Variants in WWP2 observed in about 807,000 individuals in gnomAD.
The protein encoded by WWP2 is WW domain containing E3 ubiquitin protein ligase 2, also known as NEDD4-like E3 ubiquitin-protein ligase WWP2.
A neutral mutation model predicts 121.0 loss-of-function variants in WWP2; 57 were observed. That is an observed-to-expected ratio of 0.47 (90% confidence interval 0.38 to 0.59). WWP2 has a LOEUF of 0.59. WWP2 is among the 20% of genes least tolerant of loss of function. WWP2 has a pLI of 0.00. For missense variants in WWP2, 962 were observed against 1,158.9 expected, an observed-to-expected ratio of 0.83 and a Z score of 2.47; for synonymous variants, 449 against 441.3, an observed-to-expected ratio of 1.02 and a Z score of -0.22.
At chr16:69,870,007 T>TG (rs1009291263) in intron 6 of WWP2, among the ~76,000 whole-genome samples, 11 of 152,198 alleles carry the variant, frequency 7.2e-5, no homozygotes, top group African/African-American at 2.4e-4. Context: ...GAATTTAGCT[T>TG]GAGTTCAGGC....
intron 8 of WWP2, among the ~76,000 whole-genome samples, chr16:69,907,580 T>G (rs1173238669): frequency 6.6e-6 from 1 of 152,200 alleles, no homozygotes; most frequent in East Asian, 1.9e-4. Flanking sequence ...TTTGCATCCT[T>G]TATATATAGG....
chr16:69,931,246 G>A lies in WWP2; in HGVS notation c.1521+19G>A, dbSNP rs1225147093. 7 of 1,613,752 alleles carry A rather than the reference G, an allele frequency of 4.3e-6. No homozygotes were observed. Among genetic ancestry groups the A allele is most frequent in the East Asian group, 2.2e-5 (1 of 44,874 alleles). ...CTGCCATGTGAGTTCTGGTACTGGG[G>A]CTCCCGTGGCAGTTGGGGTTATTGA... On this transcript the variant is annotated intron_variant, in intron 14 of 23. Transcript: ENST00000359154.
intron 4 of WWP2, among the ~76,000 whole-genome samples, chr16:69,800,142 G>T (rs1277218432): frequency 2.0e-5 from 3 of 150,888 alleles, no homozygotes; most frequent in African/African-American, 7.3e-5. Flanking sequence ...TAAGCGATGG[G>T]CCACTTGAAA....
intron 7 of WWP2, among the ~76,000 whole-genome samples, chr16:69,879,224 C>CA (rs1307050540): frequency 3.9e-5 from 6 of 152,246 alleles, no homozygotes; most frequent in African/African-American, 1.2e-4. Flanking sequence ...AAACACATAA[C>CA]ATGAAATTTA....
intron 6 of WWP2, 197 bp from the exon 7 acceptor site, chr16:69,871,607 A>T: frequency 1.6e-6 from 1 of 633,108 alleles, no homozygotes; most frequent in South Asian, 2.5e-5. Context: ...TTACCTTCTG[A>T]GCTTTTACCA....
rs1302226654 is a variant in WWP2 at position 69,827,754 on chromosome 16, G to GCCT, written c.341-12372_341-12371insCCT. 5 of 387,222 alleles carry GCCT rather than the reference G, an allele frequency of 1.3e-5. No homozygotes were observed. In the Admixed American group the frequency reaches 1.6e-4, roughly 12 times the overall value. The allele number at this position is 387,222 out of a possible 1,614,324, so 24.0% of individuals were successfully genotyped here. On this transcript the variant is annotated intron_variant, in intron 4 of 23. Coordinates refer to ENST00000359154, the MANE Select transcript of WWP2 (RefSeq NM_001270454.2). Reference sequence around the variant, plus strand: ...GATCTGTTGGAGCCAGGCAGGGCCTGGGCAGGGGATTAATGGTGTGGCAGG... The same window carrying GCCT: ...GATCTGTTGGAGCCAGGCAGGGCCTGCCTGGCAGGGGATTAATGGTGTGGCAGG...
intron 4 of WWP2, among the ~76,000 whole-genome samples, chr16:69,815,903 G>A (rs149055420): frequency 7.8e-4 from 119 of 151,888 alleles, no homozygotes; most frequent in Middle Eastern, 3.4e-3. Flanking sequence ...GACTACAGGC[G>A]TGTGCCACCA....
intron 1 of WWP2, chr16:69,774,724 C>G (rs1169325775): frequency 6.6e-6 from 1 of 152,162 alleles, no homozygotes; most frequent in African/African-American, 2.4e-5. Context: ...AATCCCATCA[C>G]TTTGGGAGGC....
chr16:69,849,873 A>G (rs2057168887), intron 6 of WWP2, among the ~76,000 whole-genome samples: 1 of 152,218 alleles, frequency 6.6e-6, no homozygotes, highest in South Asian at 2.1e-4. Flanking sequence ...TGCATCAATT[A>G]AAATGATACA....
At position 69,920,816 on chromosome 16, in the gene WWP2, A is replaced by C. The variant is rs564950065; in HGVS notation, c.1179+2933A>C. 6.0e-4 allele frequency among the ~76,000 whole-genome samples: 91 copies of C among 152,272 alleles called. 3 individuals carry two copies. The South Asian group carries it at 0.018, about 31-fold the overall frequency. On this transcript the variant is annotated intron_variant, in intron 10 of 23. Transcript: ENST00000359154. ...TAAATAAATAAAATAAAATGCATTA[A>C]AGCAATTTTTTTTTCCCTTAAAAGC...
At chr16:69,837,140 G>C (rs919287642) in intron 4 of WWP2, among the ~76,000 whole-genome samples, 2 of 150,982 alleles carry the variant, frequency 1.3e-5, no homozygotes, top group Non-Finnish European at 2.9e-5. Context: ...GCCCAGGCTG[G>C]TCTTGAACTC....
chr16:69,773,467 C>T (rs1430410786), intron 1 of WWP2, among the ~76,000 whole-genome samples: 3 of 152,008 alleles, frequency 2.0e-5, no homozygotes, highest in Admixed American at 2.0e-4. Flanking sequence ...GCATGAGCCA[C>T]CACGCCCAGC....
chr16:69,794,907 GA>G (rs765510354), intron 2 of WWP2, among the ~76,000 whole-genome samples: 1 of 152,082 alleles, frequency 6.6e-6, no homozygotes, highest in Non-Finnish European at 1.5e-5. Context: ...TGAATTGGGG[GA>G]AAAATGGCTT....
chr16:69,859,688 CT>C (rs2057380871), intron 6 of WWP2, among the ~76,000 whole-genome samples: 1 of 152,158 alleles, frequency 6.6e-6, no homozygotes, highest in Non-Finnish European at 1.5e-5. Flanking sequence ...AAGCTTCCCC[CT>C]GGCCCCGACC....
intron 6 of WWP2, among the ~76,000 whole-genome samples, chr16:69,850,846 CGT>C (rs1567378910): frequency 6.6e-6 from 1 of 151,824 alleles, no homozygotes; most frequent in Non-Finnish European, 1.5e-5. Context: ...TGAAATCTGC[CGT>C]GTTTTTTTTA....
intron 8 of WWP2, among the ~76,000 whole-genome samples, chr16:69,896,819 A>G (rs1262392512): frequency 6.6e-6 from 1 of 151,180 alleles, no homozygotes; most frequent in Admixed American, 6.6e-5. Flanking sequence ...TACCTGGATG[A>G]TTTCATGCAG....
chr16:69,909,520 C>T, intron 9 of WWP2: 1 of 985,456 alleles, frequency 1.0e-6, no homozygotes, highest in Admixed American at 6.1e-5. Context: ...ATCTTCTGGT[C>T]CCATAATTCT....
At chr16:69,766,438 A>G (rs2038732532) in intron 1 of WWP2, among the ~76,000 whole-genome samples, 2 of 151,748 alleles carry the variant, frequency 1.3e-5, no homozygotes, top group Non-Finnish European at 1.5e-5. Context: ...CCCAACTCAA[A>G]CCCTCCAATT....
intron 6 of WWP2, among the ~76,000 whole-genome samples, chr16:69,860,620 G>T (rs1301210560): frequency 6.6e-6 from 1 of 152,122 alleles, no homozygotes; most frequent in African/African-American, 2.4e-5. Flanking sequence ...GGTCTAGAGA[G>T]GTATTTTGAG....
Sources: gnomAD v4.1 joint callset for allele counts (sites outside exome capture counted in the v4.1 genomes callset) on GRCh38, gnomAD v4.1.1 for gene constraint, MANE v1.5 for transcripts, NCBI Gene and HGNC (gene_info 2026-07-23, HGNC 2026-07-21) for gene names.